Variants in IGF2R observed in about 807,000 individuals in gnomAD.
The protein encoded by IGF2R is cation-independent mannose-6-phosphate receptor.
A neutral mutation model predicts 270.6 loss-of-function variants in IGF2R; 91 were observed. The observed-to-expected ratio is 0.34, with a 90% CI of 0.28 to 0.40. IGF2R has a LOEUF of 0.40. IGF2R is among the 10% of genes least tolerant of loss of function. The probability of loss-of-function intolerance (pLI) is 1.00; values close to 1 mark genes in which losing one functional copy is unlikely to be tolerated. For synonymous variants in IGF2R, 1,316 were observed against 1,258.9 expected (o/e 1.05, Z -0.96); for missense variants, 2,805 against 3,188.3 (o/e 0.88, Z 2.90).
In IGF2R at chr6:160,073,189, C is replaced by T. The variant is rs748747705; in HGVS notation, c.4691-24C>T. On this transcript the variant is annotated intron_variant, in intron 33 of 47. Transcript: ENST00000356956. ...GCCATCGAGTCTGTGATTGTGTTTTCTCCGCCTTTCCCTTGTGGTGCAGGG... is the reference window on the plus strand; with the variant it reads ...GCCATCGAGTCTGTGATTGTGTTTTTTCCGCCTTTCCCTTGTGGTGCAGGG... 8 of 1,605,970 alleles carry T rather than the reference C, an allele frequency of 5.0e-6. No individual in the cohort carries two copies. In the South Asian group the frequency reaches 8.8e-5, roughly 18 times the overall value.
At chr6:159,978,793 T>C (rs1031183943) in intron 1 of IGF2R, among the ~76,000 whole-genome samples, 1 of 152,204 alleles carries the variant, frequency 6.6e-6, no homozygotes, top group Non-Finnish European at 1.5e-5. Context: ...CCAGGTGCTC[T>C]GTGAACCTGG....
At chr6:160,076,134 T>C (rs902251338) in intron 36 of IGF2R, 138 bp downstream of exon 36, 11 of 804,326 alleles carry the variant, frequency 1.4e-5, no homozygotes, top group Non-Finnish European at 1.8e-5. Flanking sequence ...ACGCTAGTAG[T>C]GTGTCTGAAT....
intron 45 of IGF2R, among the ~76,000 whole-genome samples, chr6:160,098,757 T>C (rs74933459): frequency 6.6e-6 from 1 of 152,068 alleles, no homozygotes; most frequent in Non-Finnish European, 1.5e-5. Context: ...AGGTGGAGGT[T>C]GCAGTGAGCC....
chr6:160,012,342 A>G (rs540899919), intron 4 of IGF2R, among the ~76,000 whole-genome samples: 4 of 152,274 alleles, frequency 2.6e-5, no homozygotes, highest in Admixed American at 2.6e-4. Flanking sequence ...GCAGTGCTAT[A>G]AAGAAACACC....
At chr6:159,989,465 A>G (rs1253489609) in intron 1 of IGF2R, among the ~76,000 whole-genome samples, 1 of 152,154 alleles carries the variant, frequency 6.6e-6, no homozygotes, top group Non-Finnish European at 1.5e-5. Flanking sequence ...TTATGTAGAT[A>G]TATATGGTGG....
chr6:160,050,978 G>A lies in IGF2R; in HGVS notation c.2694+326G>A, dbSNP rs1458984709. On this transcript the variant is annotated intron_variant, in intron 19 of 47. Coordinates refer to ENST00000356956, the MANE Select transcript of IGF2R (RefSeq NM_000876.4). The surrounding 1 kb of genome is among the most constrained non-coding windows in gnomAD (Gnocchi z 4.0). ...TTCTTGTGAGTTGAGGATCGTGGCA[G>A]TGGAACGGGGCTTAGAGATAGTTTG... Among the ~76,000 whole-genome samples the A allele has an allele frequency of 1.3e-5, 2 of 152,186 alleles. No individual in the cohort carries two copies. The highest frequency in any genetic ancestry group is 2.9e-5 in the Non-Finnish European group (2 of 68,032).
chr6:160,078,757 T>C (rs575415936), intron 37 of IGF2R, among the ~76,000 whole-genome samples: 6 of 152,262 alleles, frequency 3.9e-5, no homozygotes, highest in African/African-American at 1.4e-4. Flanking sequence ...TCCTCCAACC[T>C]GGTTGAAGAT....
In IGF2R at chr6:160,089,186, A is replaced by G. The variant is rs1380454555; in HGVS notation, c.6400A>G (p.Met2134Val). The change falls in exon 43 of 48, where the codon ATG becomes GTG. Residue 2134 changes from methionine to valine, a missense_variant. Coordinates refer to ENST00000356956, the MANE Select transcript of IGF2R (RefSeq NM_000876.4). ...ACAVKPQEVQ[M>V]VNGTITNPIN... The stretch of plus-strand genomic sequence containing the variant: ...CGCCGTGAAGCCTCAGGAGGTGCAG[A>G]TGGTGAATGGGACCATCACCAACCC... 6.2e-7 allele frequency: 1 copy of G among 1,613,872 alleles called. No individual in the cohort carries two copies. The highest frequency in any genetic ancestry group is 8.5e-7 in the Non-Finnish European group (1 of 1,179,798).
rs546930435 is a variant in IGF2R, at chr6:160,072,823, C to T, written c.4629C>T (p.Ser1543=). 2.4e-5 allele frequency: 38 copies of T among 1,614,132 alleles called. 1 individual carries two copies. The highest frequency in any genetic ancestry group is 2.1e-4 in the South Asian group (19 of 91,074). ...GGGCGGGATTCACAGCTGCTTACAG[C>T]GAGAAGGGGTTGGTTTACATGAGCA... ...SGRAGFTAAY[S]EKGLVYMSIC... The change falls in exon 33 of 48, where the codon AGC becomes AGT. Residue 1543 remains serine, a synonymous_variant. Transcript: ENST00000356956.
At chr6:160,036,147 A>G (rs1777819088) in intron 10 of IGF2R, among the ~76,000 whole-genome samples, 1 of 152,194 alleles carries the variant, frequency 6.6e-6, no homozygotes, top group Admixed American at 6.5e-5. Context: ...GTGAAGTCCC[A>G]AGGATTTTCA....
rs1436316248 is a variant in IGF2R at position 159,998,567 on chromosome 6, A to G, written c.289+7244A>G. On this transcript the variant is annotated intron_variant, in intron 2 of 47. Transcript: ENST00000356956. The surrounding 1 kb of genome is among the most constrained non-coding windows in gnomAD (Gnocchi z 4.1). ...CAGGGGAGATACCAAAGATAACTAG[A>G]TGACTAAAAAGTAACTTACAGGTTA... is the stretch of plus-strand genomic sequence containing the variant. Among the ~76,000 whole-genome samples the G allele has an allele frequency of 6.6e-6, 1 of 152,238 alleles. No homozygotes were observed. The highest frequency in any genetic ancestry group is 2.4e-5 in the African/African-American group (1 of 41,458).
At chr6:160,078,571 G>A (rs1562370436) in intron 37 of IGF2R, among the ~76,000 whole-genome samples, 1 of 152,212 alleles carries the variant, frequency 6.6e-6, no homozygotes, top group Non-Finnish European at 1.5e-5. Flanking sequence ...TGACACTTGC[G>A]TTGTACCTCA....
intron 4 of IGF2R, among the ~76,000 whole-genome samples, chr6:160,017,647 T>A (rs1010243156): frequency 6.6e-6 from 1 of 152,002 alleles, no homozygotes; most frequent in African/African-American, 2.4e-5. Context: ...CCCATCAAAC[T>A]AATAGGGGAC....
At chr6:160,062,498 A>G (rs988448161) in intron 25 of IGF2R, 34 bp from the exon 26 acceptor site, 2 of 1,538,376 alleles carry the variant, frequency 1.3e-6, no homozygotes, top group Non-Finnish European at 1.8e-6. Flanking sequence ...TAAAATAAAC[A>G]GGAAACAAAT....
intron 21 of IGF2R, among the ~76,000 whole-genome samples, chr6:160,058,678 A>G (rs1001451121): frequency 6.6e-6 from 1 of 152,214 alleles, no homozygotes; most frequent in Non-Finnish European, 1.5e-5. Flanking sequence ...ACGGGGATGT[A>G]TGAATTTAAA....
chr6:160,080,116 T>C lies in IGF2R; in HGVS notation c.5687-13T>C. 6.2e-7 allele frequency: 1 copy of C among 1,613,806 alleles called. No homozygotes were observed. The highest frequency in any genetic ancestry group is 8.5e-7 in the Non-Finnish European group (1 of 1,179,864). ...CACAGCTGCCACACTGATAATGTTC[T>C]TCTTCTTTCCAGAAACCGATGACGG... On this transcript the variant is annotated splice_polypyrimidine_tract_variant and intron_variant, in intron 38 of 47. Transcript: ENST00000356956.
intron 12 of IGF2R, 63 bp from the exon 13 acceptor site, chr6:160,044,451 T>G: frequency 8.0e-7 from 1 of 1,245,510 alleles, no homozygotes; most frequent in Non-Finnish European, 1.1e-6. Flanking sequence ...TTAAGTCACT[T>G]CTTTGTCTGC....
At chr6:160,046,396 A>G (rs1182616964) in intron 14 of IGF2R, 102 bp from the exon 15 acceptor site, 4 of 1,158,776 alleles carry the variant, frequency 3.5e-6, no homozygotes, top group Non-Finnish European at 3.6e-6. Flanking sequence ...GCCGTTGGGA[A>G]CCTCCTGGGA....
intron 36 of IGF2R, 43 bp from the exon 37 acceptor site, chr6:160,078,158 T>C: frequency 6.2e-7 from 1 of 1,605,254 alleles, no homozygotes; most frequent in Non-Finnish European, 8.5e-7. Flanking sequence ...TATCTATCCC[T>C]ATGCCATGGG....
Sources: allele counts gnomAD v4.1 joint callset (sites outside exome capture counted in the v4.1 genomes callset), GRCh38; gene constraint gnomAD v4.1.1; non-coding constraint Gnocchi (gnomAD v3.1); transcripts MANE v1.5; gene names NCBI Gene and HGNC (gene_info 2026-07-23, HGNC 2026-07-21).